Variants in TRIM37 observed in about 807,000 individuals in gnomAD.
The protein encoded by TRIM37 is tripartite motif containing 37, also known as E3 ubiquitin-protein ligase TRIM37.
TRIM37 carries 80 observed loss-of-function variants against 129.8 expected under a neutral mutation model. The ratio of observed to expected loss-of-function variants is 0.62; its 90% CI spans 0.51 to 0.74. The LOEUF is 0.74. TRIM37 is among the 30% of genes least tolerant of loss of function. The pLI is 0.00. For missense variants in TRIM37, 1,054 were observed against 1,176.5 expected (o/e 0.90, Z 1.52); for synonymous variants, 389 against 387.1 (o/e 1.00, Z -0.06).
chr17:59,087,623 G>C (rs2043888273), intron 4 of TRIM37, among the ~76,000 whole-genome samples: 1 of 151,922 alleles, frequency 6.6e-6, no homozygotes, highest in South Asian at 2.1e-4. Context: ...TATTTCCTCA[G>C]TATAATGAAG....
chr17:59,089,788 C>T (rs1413017009), intron 3 of TRIM37, among the ~76,000 whole-genome samples: 2 of 152,104 alleles, frequency 1.3e-5, no homozygotes, highest in Non-Finnish European at 2.9e-5. Context: ...CTTGATAATG[C>T]TGGTCTTATA....
In TRIM37 at chr17:59,061,016, T is replaced by G. The variant is rs1418519853; in HGVS notation, c.1019+16A>C. On this transcript the variant is annotated intron_variant, in intron 12 of 23. Coordinates refer to ENST00000262294, the MANE Select transcript of TRIM37 (RefSeq NM_015294.6). ...GTAAATGCACATTAAGGTTGTTATTTAATTACACTTCTTACTTAGAAGTTT... is the reference window on the plus strand; with the variant it reads ...GTAAATGCACATTAAGGTTGTTATTGAATTACACTTCTTACTTAGAAGTTT... The G allele has an allele frequency of 6.2e-7, 1 of 1,605,710 alleles. No homozygotes were observed. The highest frequency in any genetic ancestry group is 8.5e-7 in the Non-Finnish European group (1 of 1,172,660).
the TRIM37 span, among the ~76,000 whole-genome samples, chr17:58,975,671 A>T: frequency 6.6e-6 from 1 of 152,164 alleles, no homozygotes; most frequent in Non-Finnish European, 1.5e-5. Flanking sequence ...TAGAGCAGAG[A>T]TGGGAGTGGT....
chr17:59,061,011 T>C, intron 12 of TRIM37, 21 bp downstream of exon 12: 1 of 1,597,996 alleles, frequency 6.3e-7, no homozygotes, highest in Non-Finnish European at 8.6e-7. Context: ...ATTAAGGTTG[T>C]TATTTAATTA....
At chr17:59,063,077 T>TG (rs2041632169) in intron 10 of TRIM37, among the ~76,000 whole-genome samples, 1 of 151,928 alleles carries the variant, frequency 6.6e-6, no homozygotes, top group African/African-American at 2.4e-5. Context: ...TTAATACGTG[T>TG]GGGAAAAACC....
chr17:58,990,518 C>T (rs186148506), intron 24 of TRIM37, among the ~76,000 whole-genome samples: 36 of 150,554 alleles, frequency 2.4e-4, no homozygotes, highest in Admixed American at 8.6e-4. Context: ...CAAGGCTGGG[C>T]CCAGTGGCTC....
At chr17:59,037,557 CAAAAAAAAAAAAAAAAAAA>C (rs58856834) in intron 17 of TRIM37, among the ~76,000 whole-genome samples, 929 of 74,062 alleles carry the variant, frequency 0.013, 20 homozygotes, top group Non-Finnish European at 0.017. Flanking sequence ...GACTCTGTCT[CAAAAAAAAAAAAAAAAAAA>C]AAAAAAAAAA....
chr17:59,012,512 T>C, intron 21 of TRIM37, 66 bp from the exon 22 acceptor site: 1 of 1,134,512 alleles, frequency 8.8e-7, no homozygotes. Flanking sequence ...ATTTTCTTTT[T>C]GAACTGAGCA....
chr17:59,012,591 C>T (rs1205637229), intron 21 of TRIM37, 145 bp from the exon 22 acceptor site: 5 of 660,398 alleles, frequency 7.6e-6, no homozygotes, highest in Non-Finnish European at 1.3e-5. Flanking sequence ...AAATATTTCA[C>T]TAAGGTCCTG....
At chr17:59,094,816 G>A (rs1270541236) in intron 2 of TRIM37, among the ~76,000 whole-genome samples, 2 of 152,138 alleles carry the variant, frequency 1.3e-5, no homozygotes, top group Admixed American at 1.3e-4. Flanking sequence ...ATATATTTCA[G>A]ATGCATACTA....
At chr17:59,103,703 A>C (rs2045739149) in intron 2 of TRIM37, among the ~76,000 whole-genome samples, 3 of 147,798 alleles carry the variant, frequency 2.0e-5, no homozygotes, top group Non-Finnish European at 4.5e-5. Context: ...GCTGGAGTGC[A>C]GTGGCGCTCT....
At chr17:58,970,847 G>A in the TRIM37 span, among the ~76,000 whole-genome samples, 1 of 151,954 alleles carries the variant, frequency 6.6e-6, no homozygotes, top group Admixed American at 6.6e-5. Context: ...TCTGAGTCGA[G>A]GACAAGGGCC....
intron 17 of TRIM37, among the ~76,000 whole-genome samples, chr17:59,038,114 T>C (rs1314421192): frequency 6.6e-6 from 1 of 152,194 alleles, no homozygotes; most frequent in Non-Finnish European, 1.5e-5. Flanking sequence ...TTTAATCACC[T>C]GGGTAGGTAA....
chr17:59,087,265 T>G (rs918460979), intron 4 of TRIM37, among the ~76,000 whole-genome samples: 1 of 151,786 alleles, frequency 6.6e-6, no homozygotes, highest in East Asian at 1.9e-4. Flanking sequence ...CCAGCTAATT[T>G]TTGTATTTTT....
intron 2 of TRIM37, among the ~76,000 whole-genome samples, chr17:59,096,235 G>A (rs1427255867): frequency 1.3e-5 from 2 of 151,572 alleles, no homozygotes; most frequent in African/African-American, 4.8e-5. Context: ...AGTGTAACAG[G>A]AGACCAAAAA....
At chr17:58,967,597 T>C in the TRIM37 span, among the ~76,000 whole-genome samples, 1 of 151,666 alleles carries the variant, frequency 6.6e-6, no homozygotes, top group Admixed American at 6.6e-5. Context: ...TTTCCTTTGT[T>C]ATTAGTCTAA....
intron 18 of TRIM37, among the ~76,000 whole-genome samples, chr17:59,029,610 A>G (rs2037617842): frequency 6.6e-6 from 1 of 151,800 alleles, no homozygotes; most frequent in Admixed American, 6.6e-5. Context: ...ATCAAAGCCC[A>G]AGCAGGCCAC....
chr17:59,032,531 C>CAAAAAAAAAAA (rs35442859), intron 17 of TRIM37, among the ~76,000 whole-genome samples: 1 of 84,786 alleles, frequency 1.2e-5, no homozygotes, highest in Non-Finnish European at 2.2e-5. Context: ...GACTCCGTCT[C>CAAAAAAAAAAA]AAAAAAAAAA....
downstream of TRIM37, among the ~76,000 whole-genome samples, chr17:58,997,383 T>G (rs1031049759): frequency 6.6e-6 from 1 of 152,122 alleles, no homozygotes; most frequent in African/African-American, 2.4e-5. Flanking sequence ...GCAAGTGAGA[T>G]AAAGTGGAAA....
Sources: gnomAD v4.1 joint callset for allele counts (sites outside exome capture counted in the v4.1 genomes callset) on GRCh38, gnomAD v4.1.1 for gene constraint, MANE v1.5 for transcripts, NCBI Gene and HGNC (gene_info 2026-07-23, HGNC 2026-07-21) for gene names.